Variants in MUC5AC observed in about 807,000 individuals in gnomAD.
The protein encoded by MUC5AC is mucin 5AC, oligomeric mucus/gel-forming.
MUC5AC carries 158 observed loss-of-function variants against 169.7 expected under a neutral mutation model. That is an observed-to-expected ratio of 0.93 (90% CI 0.82 to 1.06). MUC5AC has a LOEUF of 1.06. Among genes scored for constraint, MUC5AC ranks in the 50% least tolerant of loss-of-function variants. The probability of loss-of-function intolerance (pLI) is 0.00; values close to 1 mark genes in which losing one functional copy is unlikely to be tolerated. For missense variants in MUC5AC, 4,359 were observed against 3,089.9 expected (o/e 1.41, Z -9.74); for synonymous variants, 1,975 against 1,237.0 (o/e 1.60, Z -12.52).
In MUC5AC at chr11:1,195,223, C is replaced by T. The variant is rs1861239737; in HGVS notation, c.15402C>T (p.Pro5134=). 3.9e-6 allele frequency: 3 copies of T among 764,850 alleles called. No homozygotes were observed. The highest frequency in any genetic ancestry group is 4.8e-6 in the Non-Finnish European group (2 of 417,764). 47.4% of individuals were successfully genotyped at this position (764,850 alleles called of 1,614,324 possible). ...CAGTTGGGTCTACCACGGTCGGGCC[C>T]ACCACACCGCCTGCTCCGTGCCTGC... ...PTTVGSTTVG[P]TTPPAPCLPS... is the part of the protein sequence containing the mutation. Residue 5134 remains proline, a synonymous_variant, in exon 36 of 49, where the codon CCC becomes CCT. Transcript: ENST00000621226.
In MUC5AC at chr11:1,168,984, A is replaced by G. The variant is rs763083414; in HGVS notation, c.1828A>G (p.Arg610Gly). 1.9e-6 allele frequency: 3 copies of G among 1,609,568 alleles called. No homozygotes were observed. Among genetic ancestry groups the G allele is most frequent in the Non-Finnish European group, 2.5e-6 (3 of 1,178,174 alleles). ...FKTQAACPNI[R>G]NSFEDPCSLS... ...GACCCAGGCCGCCTGCCCCAACATC[A>G]GGAACAGCTTCGAGGACCCCTGCTC... The change falls in exon 15 of 49, where the codon AGG becomes GGG. Residue 610 changes from arginine (R) to glycine (G), a missense_variant. Coordinates refer to ENST00000621226, the MANE Select transcript of MUC5AC (RefSeq NM_001304359.2).
In MUC5AC at chr11:1,168,936, G is replaced by A. The variant is rs1357774544; in HGVS notation, c.1780G>A (p.Ala594Thr). Residue 594 changes from alanine (A) to threonine (T), a missense_variant, in exon 15 of 49, where the codon GCG becomes ACG. Physicochemically the swap from Ala to Thr is moderately conservative, Grantham distance 58. Transcript: ENST00000621226. Reference sequence around the variant, plus strand: ...CAGTGGGGTGGTGGAGGCCACCGCTGCGGCCTTCTTCAACACCTTCAAGAC... The same window carrying A: ...CAGTGGGGTGGTGGAGGCCACCGCTACGGCCTTCTTCAACACCTTCAAGAC... ...TLSGVVEATA[A>T]AFFNTFKTQA... 4.3e-6 allele frequency: 7 copies of A among 1,611,630 alleles called. No homozygotes were observed. The highest frequency in any genetic ancestry group is 2.2e-5 in the East Asian group (1 of 44,850).
intron 22 of MUC5AC, 76 bp from the exon 23 acceptor site, chr11:1,177,155 G>T (rs915629426): frequency 5.0e-6 from 2 of 398,558 alleles, no homozygotes. Context: ...GGTGCACACA[G>T]GTTGTCCCCG....
rs747485376 is a variant in MUC5AC, at chr11:1,162,640, C to T, written c.582C>T (p.Ser194=). 24 of 1,612,426 alleles carry T rather than the reference C, an allele frequency of 1.5e-5. No homozygotes were observed. Among genetic ancestry groups the T allele is most frequent in the Non-Finnish European group, 1.9e-5 (23 of 1,179,676 alleles). The change falls in exon 5 of 49, where the codon AGC becomes AGT. Residue 194 remains serine (S), a synonymous_variant. Coordinates refer to ENST00000621226, the MANE Select transcript of MUC5AC (RefSeq NM_001304359.2). ...TCCTCATGTGGAACCACGATGACAG[C>T]CTGCTGGTGAGGCTGGGTGGGGGTG... The part of the protein sequence containing the change: ...GLVLMWNHDD[S]LLLELDTKYA...
At chr11:1,161,844 G>A in intron 3 of MUC5AC, 63 bp from the exon 4 acceptor site, 1 of 1,553,600 alleles carries the variant, frequency 6.4e-7, no homozygotes, top group Non-Finnish European at 8.7e-7. Context: ...ACAGGGCAGA[G>A]GCAGGGGGTG....
chr11:1,161,692 A>T, intron 3 of MUC5AC, 106 bp downstream of exon 3: 1 of 1,353,724 alleles, frequency 7.4e-7, no homozygotes, highest in Non-Finnish European at 1.0e-6. Flanking sequence ...TTTCCGGGTG[A>T]ACACTGGGTG....
In MUC5AC at chr11:1,188,539, C is replaced by T. The variant is rs1342654772; in HGVS notation, c.10394C>T (p.Thr3465Ile). ...TSAPTSSTTS[T>I]PQTSKTSAAT... Reference sequence around the variant, plus strand: ...GCCCCTACAAGCAGCACAACCTCCACTCCACAGACCAGCAAAACCTCAGCT... The same window carrying T: ...GCCCCTACAAGCAGCACAACCTCCATTCCACAGACCAGCAAAACCTCAGCT... Residue 3465 changes from threonine to isoleucine, a missense_variant, in exon 31 of 49, where the codon ACT becomes ATT. Transcript: ENST00000621226. The T allele has an allele frequency of 5.4e-6, 4 of 747,548 alleles. No individual in the cohort carries two copies. The highest frequency in any genetic ancestry group is 9.8e-6 in the Non-Finnish European group (4 of 408,106). The allele number at this position is 747,548 out of a possible 1,614,324, so 46.3% of individuals were successfully genotyped here.
At chr11:1,180,664 T>G in intron 28 of MUC5AC, 148 bp downstream of exon 28, 1 of 397,626 alleles carries the variant, frequency 2.5e-6, no homozygotes, top group Admixed American at 4.4e-5. Context: ...GGCCCAGGCA[T>G]CTGTGACATC....
intron 1 of MUC5AC, among the ~76,000 whole-genome samples, chr11:1,159,787 C>A (rs866080526): frequency 1.5e-4 from 11 of 72,042 alleles, no homozygotes; most frequent in African/African-American, 5.0e-4. Context: ...GGGTCTGGTC[C>A]CACCATGCTG....
At chr11:1,169,989 CCCAT>C (rs1860454000) in intron 15 of MUC5AC, among the ~76,000 whole-genome samples, 1 of 141,762 alleles carries the variant, frequency 7.1e-6, no homozygotes, top group Admixed American at 7.0e-5. Flanking sequence ...CACCCACTCA[CCCAT>C]TCACCCATTC....
chr11:1,185,478 A>G lies in MUC5AC; in HGVS notation c.7333A>G (p.Thr2445Ala). ...STTSAPTTST[T>A]SGPGTTPSPV... ...AACCTCGGCTCCTACAACCAGCACA[A>G]CTTCTGGTCCTGGAACTACCCCAAG... Residue 2445 changes from threonine to alanine, a missense_variant, in exon 31 of 49, where the codon ACT (threonine) becomes GCT (alanine). Coordinates refer to ENST00000621226, the MANE Select transcript of MUC5AC (RefSeq NM_001304359.2). The G allele has an allele frequency of 2.7e-6, 2 of 728,438 alleles. No individual in the cohort carries two copies. Among genetic ancestry groups the G allele is most frequent in the Non-Finnish European group, 5.0e-6 (2 of 399,388 alleles). The allele number at this position is 728,438 out of a possible 1,614,324, so 45.1% of individuals were successfully genotyped here. A position where few individuals can be genotyped will look rare whatever the true frequency, so the allele number is the denominator to read the frequency against.
At position 1,186,510 on chromosome 11, in the gene MUC5AC, A is replaced by G; in HGVS notation, c.8365A>G (p.Thr2789Ala). The change falls in exon 31 of 49, where the codon ACT (threonine) becomes GCT (alanine). Residue 2789 changes from threonine (T) to alanine (A), a missense_variant. Physicochemically the swap from Thr to Ala is moderately conservative, Grantham distance 58. Coordinates refer to ENST00000621226, the MANE Select transcript of MUC5AC (RefSeq NM_001304359.2). ...STISAPTTST[T>A]LSPTTSTTST... ...AATCTCTGCCCCTACAACCAGCACA[A>G]CTTTGTCTCCTACAACCAGCACAAC... 3 of 695,824 alleles carry G rather than the reference A, an allele frequency of 4.3e-6. No homozygotes were observed. The highest frequency in any genetic ancestry group is 1.7e-5 in the African/African-American group (1 of 57,196). The allele number at this position is 695,824 out of a possible 1,614,324, so 43.1% of individuals were successfully genotyped here.
Position 1,160,591 on chromosome 11 carries a change from GC to G in MUC5AC, c.74-15del, listed in dbSNP as rs1860111919. On this transcript the variant is annotated intron_variant, in intron 1 of 48. Transcript: ENST00000621226. The stretch of plus-strand genomic sequence containing the variant: ...CTCAGCCACCCTGCATCTGGGCTCA[GC>G]CCCCCTCCTCTTTCTGCAGGCCATG... The G allele has an allele frequency of 1.9e-6, 3 of 1,598,692 alleles. No individual in the cohort carries two copies. The highest frequency in any genetic ancestry group is 8.5e-7 in the Non-Finnish European group (1 of 1,176,048).
In MUC5AC at chr11:1,183,175, G is replaced by A. The variant is rs1301337648; in HGVS notation, c.5030G>A (p.Cys1677Tyr). Residue 1677 changes from cysteine (C) to tyrosine (Y), a missense_variant, in exon 31 of 49, where the codon TGC becomes TAC. By Grantham distance (194) the Cys-to-Tyr change is radical. Transcript: ENST00000621226. The part of the protein sequence containing the change: ...RIQCCETVNV[C>Y]RDITRLPKTV... ...CAGTGTTGCGAGACGGTGAACGTGT[G>A]CAGAGACATCACCAGACTGCCAAAG... is the stretch of plus-strand genomic sequence containing the variant. 1.6e-5 allele frequency: 6 copies of A among 370,238 alleles called. No homozygotes were observed. The highest frequency in any genetic ancestry group is 1.0e-4 in the Admixed American group (2 of 19,838). The allele number at this position is 370,238 out of a possible 1,614,324, so 22.9% of individuals were successfully genotyped here.
At chr11:1,161,058 G>A (rs1016629059) in intron 2 of MUC5AC, among the ~76,000 whole-genome samples, 2 of 152,190 alleles carry the variant, frequency 1.3e-5, no homozygotes, top group Admixed American at 6.5e-5. Flanking sequence ...GGCGCCGGCC[G>A]TCCCCATGTG....
intron 30 of MUC5AC, 107 bp from the exon 31 acceptor site, chr11:1,182,048 A>T (rs879136008): frequency 0.57 from 226,887 of 398,126 alleles, 66,182 homozygotes; most frequent in Middle Eastern, 0.65. Context: ...GGACAGGAAG[A>T]CAGACCTGCT....
At chr11:1,170,458 CACCG>C (rs1590138574) in intron 15 of MUC5AC, among the ~76,000 whole-genome samples, 5 of 142,066 alleles carry the variant, frequency 3.5e-5, no homozygotes, top group Non-Finnish European at 3.1e-5. Context: ...CTCACCCACT[CACCG>C]ACTCACCCAT....
rs768208474 is a variant in MUC5AC at position 1,191,905 on chromosome 11, C to T, written c.13760C>T (p.Ser4587Phe). ...TCTGCTCCTACAACCAGCACGACCT[C>T]TGGTCCTGGAACTACTCCCAGCCCC... ...TTSAPTTSTT[S>F]GPGTTPSPVP... is the part of the protein sequence containing the mutation. The change falls in exon 31 of 49, where the codon TCT becomes TTT. Residue 4587 changes from serine to phenylalanine, a missense_variant. Ser to Phe is a radical substitution (Grantham distance 155). Coordinates refer to ENST00000621226, the MANE Select transcript of MUC5AC (RefSeq NM_001304359.2). 10 of 764,920 alleles carry T rather than the reference C, an allele frequency of 1.3e-5. No homozygotes were observed. Among genetic ancestry groups the T allele is most frequent in the African/African-American group, 5.1e-5 (3 of 59,116 alleles). 47.4% of individuals were successfully genotyped at this position (764,920 alleles called of 1,614,324 possible).
Position 1,184,451 on chromosome 11 carries a change from C to T in MUC5AC, c.6306C>T (p.Ser2102=), listed in dbSNP as rs1290714711. 3.4e-5 allele frequency: 20 copies of T among 588,346 alleles called. No homozygotes were observed. The highest frequency in any genetic ancestry group is 1.1e-4 in the Admixed American group (4 of 35,806). The allele number at this position is 588,346 out of a possible 1,614,324, so 36.4% of individuals were successfully genotyped here. Residue 2102 remains serine, a synonymous_variant, in exon 31 of 49, where the codon AGC becomes AGT. Transcript: ENST00000621226. ...CCAGGGGTGGGCCCACAGCAACCAGCGTCACACAGGGCACCCACACCACAC... is the reference window on the plus strand; with the variant it reads ...CCAGGGGTGGGCCCACAGCAACCAGTGTCACACAGGGCACCCACACCACAC... ...ATSRGGPTAT[S]VTQGTHTTPV... is the part of the protein sequence containing the mutation.
Sources: gnomAD v4.1 joint callset for allele counts (sites outside exome capture counted in the v4.1 genomes callset) on GRCh38, gnomAD v4.1.1 for gene constraint, MANE v1.5 for transcripts, NCBI Gene and HGNC (gene_info 2026-07-23, HGNC 2026-07-21) for gene names.